Variants in CNTNAP2 observed in about 807,000 individuals in gnomAD.
CNTNAP2 encodes contactin-associated protein-like 2.
In CNTNAP2, 98 loss-of-function variants were observed where a neutral mutation model predicts 155.2. The ratio of observed to expected loss-of-function variants is 0.63; its 90% CI spans 0.54 to 0.75. The LOEUF (loss-of-function observed/expected upper bound fraction) is 0.75, where lower values mean the gene tolerates loss of function less well. Among genes scored for constraint, CNTNAP2 ranks in the 30% least tolerant of loss-of-function variants. The pLI is 0.00. For synonymous variants in CNTNAP2, 651 were observed against 631.2 expected, an observed-to-expected ratio of 1.03 and a Z score of -0.47; for missense variants, 1,727 against 1,688.1, an observed-to-expected ratio of 1.02 and a Z score of -0.40.
intron 12 of CNTNAP2, among the ~76,000 whole-genome samples, chr7:147,577,302 A>G (rs773077315): frequency 6.6e-6 from 1 of 152,034 alleles, no homozygotes; most frequent in Non-Finnish European, 1.5e-5. Context: ...TCTTTAATAT[A>G]TCCTTATTAC....
At chr7:146,900,221 C>A (rs10500168) in intron 3 of CNTNAP2, among the ~76,000 whole-genome samples, 1 of 151,970 alleles carries the variant, frequency 6.6e-6, no homozygotes, top group Non-Finnish European at 1.5e-5. Flanking sequence ...TAGTGTTGTC[C>A]TGTAGCATAG....
At chr7:148,323,273 T>TATA (rs1797828031) in intron 21 of CNTNAP2, among the ~76,000 whole-genome samples, 2 of 147,824 alleles carry the variant, frequency 1.4e-5, no homozygotes, top group South Asian at 4.3e-4. Context: ...CTGTGCCATA[T>TATA]GGCTTCCCAA....
intron 1 of CNTNAP2, among the ~76,000 whole-genome samples, chr7:146,210,837 AT>A (rs11370431): frequency 1.3e-3 from 182 of 145,214 alleles, no homozygotes; most frequent in East Asian, 2.6e-3. Context: ...AGACTACTTC[AT>A]TTTTTTTTTT....
intron 18 of CNTNAP2, among the ~76,000 whole-genome samples, chr7:148,183,596 C>T (rs533693391): frequency 1.3e-5 from 2 of 151,408 alleles, no homozygotes; most frequent in Admixed American, 6.6e-5. Context: ...ATCCTCCCAC[C>T]TTGGCCCCCA....
chr7:147,811,959 T>C (rs1798185824), intron 13 of CNTNAP2, among the ~76,000 whole-genome samples: 1 of 152,148 alleles, frequency 6.6e-6, no homozygotes, highest in African/African-American at 2.4e-5. Context: ...GTAGGTACTA[T>C]GTCAGTAAAC....
chr7:147,872,843 GA>G (rs1799351060), intron 13 of CNTNAP2, among the ~76,000 whole-genome samples: 1 of 151,852 alleles, frequency 6.6e-6, no homozygotes, highest in African/African-American at 2.4e-5. Flanking sequence ...CAAACAAGAG[GA>G]AAAAAGAAAA....
chr7:146,222,271 G>T (rs574708457), intron 1 of CNTNAP2, among the ~76,000 whole-genome samples: 1 of 152,252 alleles, frequency 6.6e-6, no homozygotes, highest in Admixed American at 6.5e-5. Flanking sequence ...CAAGAGAAAG[G>T]ATACTTTGTA....
intron 3 of CNTNAP2, among the ~76,000 whole-genome samples, chr7:146,892,302 A>G (rs1280708322): frequency 6.6e-6 from 1 of 152,150 alleles, no homozygotes; most frequent in African/African-American, 2.4e-5. Context: ...TGAATTTTCC[A>G]TGACACAGGA....
chr7:148,017,137 C>T (rs909124818), intron 15 of CNTNAP2, among the ~76,000 whole-genome samples: 4 of 152,194 alleles, frequency 2.6e-5, no homozygotes, highest in Non-Finnish European at 5.9e-5. Flanking sequence ...GATCTCAGCA[C>T]CTGAGCTTCT....
intron 1 of CNTNAP2, among the ~76,000 whole-genome samples, chr7:146,537,050 T>G (rs1042752634): frequency 1.3e-5 from 2 of 152,136 alleles, no homozygotes; most frequent in African/African-American, 4.8e-5. Context: ...CCCCTAATGT[T>G]TCATAACCTA....
At chr7:146,410,237 T>A (rs1795847120) in intron 1 of CNTNAP2, among the ~76,000 whole-genome samples, 1 of 152,222 alleles carries the variant, frequency 6.6e-6, no homozygotes, top group African/African-American at 2.4e-5. Context: ...TTTATTTTTG[T>A]AAATAAAGTT....
chr7:146,573,743 AGT>A (rs1272067135), intron 1 of CNTNAP2, among the ~76,000 whole-genome samples: 2 of 152,228 alleles, frequency 1.3e-5, no homozygotes, highest in Middle Eastern at 3.4e-3. Context: ...CTGAGCCTTT[AGT>A]GTCAAATTTT....
chr7:146,526,550 G>C (rs1438205962), intron 1 of CNTNAP2, among the ~76,000 whole-genome samples: 2 of 152,096 alleles, frequency 1.3e-5, no homozygotes, highest in South Asian at 4.1e-4. Context: ...GCACCAAGGG[G>C]ATGGTGCTCA....
At chr7:147,659,496 G>A (rs992946981) in intron 13 of CNTNAP2, among the ~76,000 whole-genome samples, 6 of 152,094 alleles carry the variant, frequency 3.9e-5, no homozygotes, top group African/African-American at 7.2e-5. Flanking sequence ...AAACCACTGG[G>A]GTGGATAAAC....
chr7:148,065,649 C>G (rs1295468818), intron 15 of CNTNAP2, among the ~76,000 whole-genome samples: 2 of 152,120 alleles, frequency 1.3e-5, no homozygotes, highest in Non-Finnish European at 2.9e-5. Context: ...ATATCTTTTT[C>G]CACTCCTTTA....
At chr7:146,489,550 G>T (rs1417424778) in intron 1 of CNTNAP2, among the ~76,000 whole-genome samples, 1 of 152,002 alleles carries the variant, frequency 6.6e-6, no homozygotes, top group Non-Finnish European at 1.5e-5. Flanking sequence ...GACCTCCACG[G>T]CCAGTGACAC....
At chr7:146,406,071 C>G (rs188601437) in intron 1 of CNTNAP2, among the ~76,000 whole-genome samples, 1 of 152,280 alleles carries the variant, frequency 6.6e-6, no homozygotes, top group African/African-American at 2.4e-5. Context: ...AATGACAGCA[C>G]TAATTGTCAA....
intron 2 of CNTNAP2, among the ~76,000 whole-genome samples, chr7:146,780,601 T>C (rs1478156212): frequency 6.6e-6 from 1 of 152,076 alleles, no homozygotes; most frequent in Non-Finnish European, 1.5e-5. Context: ...TTTTAACATG[T>C]TTGTTGGCCG....
intron 13 of CNTNAP2, among the ~76,000 whole-genome samples, chr7:147,802,137 G>A (rs1421765960): frequency 6.6e-6 from 1 of 150,710 alleles, no homozygotes; most frequent in Non-Finnish European, 1.5e-5. Flanking sequence ...CCTCCCAGAC[G>A]GGGTCGCGGC....
Sources: allele counts gnomAD v4.1 joint callset (sites outside exome capture counted in the v4.1 genomes callset), GRCh38; gene constraint gnomAD v4.1.1; transcripts MANE v1.5; gene names NCBI Gene and HGNC (gene_info 2026-07-23, HGNC 2026-07-21).